Variants in EXOC5 observed in about 807,000 individuals in gnomAD.
EXOC5 encodes the protein exocyst complex component 5, also known as SEC10-like 1.
In EXOC5, 17 loss-of-function variants were observed where a neutral mutation model predicts 90.8. That is an observed-to-expected ratio of 0.19 (90% CI 0.13 to 0.28). The LOEUF (loss-of-function observed/expected upper bound fraction) is 0.28, where lower values mean the gene tolerates loss of function less well. Among genes scored for constraint, EXOC5 ranks in the 10% least tolerant of loss-of-function variants. The probability of loss-of-function intolerance (pLI) is 1.00; values close to 1 mark genes in which losing one functional copy is unlikely to be tolerated. For synonymous variants in EXOC5, 260 were observed against 270.0 expected (o/e 0.96, Z 0.36); for missense variants, 569 against 830.6 (o/e 0.69, Z 3.87).
chr14:57,257,797 A>C (rs573735289), intron 1 of EXOC5, among the ~76,000 whole-genome samples: 4 of 152,334 alleles, frequency 2.6e-5, no homozygotes, highest in African/African-American at 9.6e-5. Context: ...ACAAAAAGCC[A>C]AATTAACAAA....
intron 12 of EXOC5, among the ~76,000 whole-genome samples, chr14:57,227,575 C>T (rs79463320): frequency 5.9e-5 from 9 of 152,132 alleles, no homozygotes; most frequent in African/African-American, 2.2e-4. Flanking sequence ...CTCCCATTGG[C>T]GGTGTGTGAC....
At chr14:57,265,194 G>C (rs558311309) in intron 1 of EXOC5, among the ~76,000 whole-genome samples, 1 of 150,222 alleles carries the variant, frequency 6.7e-6, no homozygotes, top group African/African-American at 2.5e-5. Context: ...TGCCCTTTGA[G>C]ACATGCAGCC....
chr14:57,265,475 C>T (rs1047143557), intron 1 of EXOC5, among the ~76,000 whole-genome samples: 9 of 152,170 alleles, frequency 5.9e-5, no homozygotes, highest in Non-Finnish European at 1.2e-4. Flanking sequence ...GTAATCCCAG[C>T]ACCTTGTGGG....
Position 57,207,576 on chromosome 14 carries a change from A to T in EXOC5, c.*1033T>A, listed in dbSNP as rs1444948107. 5 of 152,144 alleles carry T rather than the reference A, an allele frequency of 3.3e-5. No individual in the cohort carries two copies. The highest frequency in any genetic ancestry group is 7.4e-5 in the Non-Finnish European group (5 of 67,992). The allele number at this position is 152,144 out of a possible 1,614,324, so 9.4% of individuals were successfully genotyped here. On this transcript the variant is annotated 3_prime_UTR_variant, in exon 18 of 18. Coordinates refer to ENST00000621441, the MANE Select transcript of EXOC5 (RefSeq NM_006544.4). ...AAAGGACAATGACAGACCTATAGAC[A>T]TGAAAAGCAAACAGCCTTTGCAAAG...
At chr14:57,243,981 T>C (rs1883956143) in intron 4 of EXOC5, 184 bp downstream of exon 4, 2 of 518,180 alleles carry the variant, frequency 3.9e-6, no homozygotes, top group Non-Finnish European at 3.4e-6. Flanking sequence ...AACATCTCAA[T>C]ATTAACACTT....
At position 57,209,706 on chromosome 14, in the gene EXOC5, T is replaced by C; in HGVS notation, c.1799A>G (p.Asp600Gly). ...IKNSMDGKNV[D>G]TVLMELGVRF... ...TACTCCAAGTTCCATCAAAACTGTA[T>C]CCACATTCTTCCCATCCATGGAATT... The change falls in exon 17 of 18, where the codon GAT (aspartate) becomes GGT (glycine). Residue 600 changes from aspartate (D) to glycine (G), a missense_variant. Physicochemically the swap from Asp to Gly is moderately conservative, Grantham distance 94. Transcript: ENST00000621441. 6.2e-7 allele frequency: 1 copy of C among 1,613,062 alleles called. No homozygotes were observed. Among genetic ancestry groups the C allele is most frequent in the Non-Finnish European group, 8.5e-7 (1 of 1,179,348 alleles).
In EXOC5 at chr14:57,208,556, T is replaced by G; in HGVS notation, c.*53A>C. The G allele has an allele frequency of 7.2e-7, 1 of 1,383,764 alleles. No homozygotes were observed. 85.7% of individuals were successfully genotyped at this position (1,383,764 alleles called of 1,614,324 possible). A position where few individuals can be genotyped will look rare whatever the true frequency, so the allele number is the denominator to read the frequency against. ...CTATCAACCGAGGGCTGCTGAAGTA[T>G]AAGACATTCCTCTGTAAAGGAACTG... On this transcript the variant is annotated 3_prime_UTR_variant, in exon 18 of 18. Transcript: ENST00000621441.
intron 12 of EXOC5, among the ~76,000 whole-genome samples, chr14:57,223,705 A>G (rs913549111): frequency 6.6e-6 from 1 of 152,154 alleles, no homozygotes; most frequent in Non-Finnish European, 1.5e-5. Context: ...CTTGAACAAC[A>G]TAATCAACTA....
At chr14:57,211,778 C>T (rs1882834406) in intron 15 of EXOC5, 2 of 151,864 alleles carry the variant, frequency 1.3e-5, no homozygotes, top group African/African-American at 4.8e-5. Context: ...GAGGCTGAGG[C>T]AGAAGAATTG....
At chr14:57,225,887 A>G (rs936976995) in intron 12 of EXOC5, among the ~76,000 whole-genome samples, 1 of 152,212 alleles carries the variant, frequency 6.6e-6, no homozygotes, top group Admixed American at 6.5e-5. Context: ...AGGTGCTTCC[A>G]GGTTACAGGC....
chr14:57,264,824 C>A (rs1257230008), intron 1 of EXOC5, among the ~76,000 whole-genome samples: 1 of 152,140 alleles, frequency 6.6e-6, no homozygotes. Context: ...CACATCTAGA[C>A]CTCTTTGAAA....
At position 57,203,873 on chromosome 14, in the gene EXOC5, T is replaced by A. The variant is rs1430079252; in HGVS notation, c.*4736A>T. ...AAAATACATGTTATCAGCAGCATGA[T>A]GTTGACCATGTTCTAATCCATTCCA... On this transcript the variant is annotated 3_prime_UTR_variant, in exon 18 of 18. Coordinates refer to ENST00000621441, the MANE Select transcript of EXOC5 (RefSeq NM_006544.4). 2.6e-5 allele frequency: 4 copies of A among 152,642 alleles called. No homozygotes were observed. The highest frequency in any genetic ancestry group is 5.9e-5 in the Non-Finnish European group (4 of 68,024). The allele number at this position is 152,642 out of a possible 1,614,324, so 9.5% of individuals were successfully genotyped here. A position where few individuals can be genotyped will look rare whatever the true frequency, so the allele number is the denominator to read the frequency against.
chr14:57,252,384 A>G (rs1884221498), intron 1 of EXOC5, among the ~76,000 whole-genome samples: 1 of 152,220 alleles, frequency 6.6e-6, no homozygotes, highest in African/African-American at 2.4e-5. Context: ...AAATATCTAC[A>G]AACTATACAT....
chr14:57,229,295 A>G (rs1418881447), intron 12 of EXOC5, among the ~76,000 whole-genome samples: 8 of 152,218 alleles, frequency 5.3e-5, no homozygotes, highest in Non-Finnish European at 1.2e-4. Context: ...GAGTAAATTT[A>G]TATCTTAGTA....
At chr14:57,209,024 G>GT (rs1403790670) in intron 17 of EXOC5, among the ~76,000 whole-genome samples, 6 of 152,080 alleles carry the variant, frequency 3.9e-5, no homozygotes, top group Admixed American at 6.6e-5. Context: ...CTCTTCAATA[G>GT]TAACAATCAT....
rs759934998 is a variant in EXOC5 at position 57,233,876 on chromosome 14, T to C, written c.722A>G (p.Tyr241Cys). 4.3e-6 allele frequency: 7 copies of C among 1,610,606 alleles called. No individual in the cohort carries two copies. Among genetic ancestry groups the C allele is most frequent in the Non-Finnish European group, 5.9e-6 (7 of 1,177,452 alleles). The change falls in exon 9 of 18, where the codon TAT becomes TGT. Residue 241 changes from tyrosine to cysteine, a missense_variant. Transcript: ENST00000621441. ...GTCTTCAAATATATCATTTCTCAAA[T>C]AAGCACCCTAAACAGCAGAGACATT... ...VYIKQCQEGA[Y>C]LRNDIFEDAG... is the part of the protein sequence containing the mutation.
chr14:57,257,113 G>C (rs1388905794), intron 1 of EXOC5, among the ~76,000 whole-genome samples: 1 of 152,150 alleles, frequency 6.6e-6, no homozygotes, highest in African/African-American at 2.4e-5. Flanking sequence ...ATAGGTTCAT[G>C]ACGTCTTAAG....
rs533180810 is a variant in EXOC5, at chr14:57,224,119, T to C, written c.1297-1703A>G. Among the ~76,000 whole-genome samples the C allele has an allele frequency of 1.2e-4, 18 of 151,924 alleles. No homozygotes were observed. In the Middle Eastern group the frequency reaches 0.01, roughly 86 times the overall value. ...CGCATTAGATTAGGAAAGAAGAAAGTTCTCAAATCAATGACCTCAGCTTCC... is the reference window on the plus strand; with the variant it reads ...CGCATTAGATTAGGAAAGAAGAAAGCTCTCAAATCAATGACCTCAGCTTCC... On this transcript the variant is annotated intron_variant, in intron 12 of 17. Coordinates refer to ENST00000621441, the MANE Select transcript of EXOC5 (RefSeq NM_006544.4).
At chr14:57,231,166 G>A (rs966833513) in intron 11 of EXOC5, among the ~76,000 whole-genome samples, 7 of 151,772 alleles carry the variant, frequency 4.6e-5, no homozygotes, top group Admixed American at 3.9e-4. Context: ...CTGCCACCAC[G>A]CCCAGCTAAT....
Sources: allele counts gnomAD v4.1 joint callset (sites outside exome capture counted in the v4.1 genomes callset), GRCh38; gene constraint gnomAD v4.1.1; transcripts MANE v1.5; gene names NCBI Gene and HGNC (gene_info 2026-07-23, HGNC 2026-07-21).